Variants in CSNK2A2IP observed in about 807,000 individuals in gnomAD.
The protein encoded by CSNK2A2IP is casein kinase 2 subunit alpha' interacting protein.
chr3:88,406,487 T>G, the CSNK2A2IP span, among the ~76,000 whole-genome samples: 3 of 152,216 alleles, frequency 2.0e-5, no homozygotes, highest in African/African-American at 7.2e-5. Flanking sequence ...GAGATAATTT[T>G]TAGAAATAAA....
the CSNK2A2IP span, among the ~76,000 whole-genome samples, chr3:88,350,372 G>T: frequency 6.6e-6 from 1 of 152,064 alleles, no homozygotes. Context: ...GTGAAGGAAA[G>T]CTTTTTTGTA....
chr3:88,452,409 G>A, the CSNK2A2IP span, among the ~76,000 whole-genome samples: 4 of 152,052 alleles, frequency 2.6e-5, no homozygotes, highest in African/African-American at 7.2e-5. Context: ...TATTCAAAGC[G>A]TGGCCAAGTT....
At chr3:88,370,175 G>A in the CSNK2A2IP span, among the ~76,000 whole-genome samples, 2 of 151,862 alleles carry the variant, frequency 1.3e-5, no homozygotes, top group African/African-American at 4.8e-5. Flanking sequence ...ACAGACAGGA[G>A]ACACTATGAA....
At chr3:88,420,997 T>A in the CSNK2A2IP span, among the ~76,000 whole-genome samples, 4 of 152,140 alleles carry the variant, frequency 2.6e-5, no homozygotes, top group African/African-American at 9.7e-5. Context: ...ACAGAGAATA[T>A]ATGCAGGGGG....
the CSNK2A2IP span, among the ~76,000 whole-genome samples, chr3:88,412,790 T>C: frequency 2.0e-5 from 3 of 152,042 alleles, no homozygotes; most frequent in African/African-American, 7.3e-5. Context: ...TTACTGTTTT[T>C]AATAGTGTAA....
the CSNK2A2IP span, among the ~76,000 whole-genome samples, chr3:88,391,318 T>C: frequency 6.6e-6 from 1 of 152,214 alleles, no homozygotes; most frequent in Non-Finnish European, 1.5e-5. Flanking sequence ...TGTTTACTCA[T>C]TTATTCCTGC....
the CSNK2A2IP span, among the ~76,000 whole-genome samples, chr3:88,384,903 A>G: frequency 7.2e-5 from 11 of 152,164 alleles, no homozygotes; most frequent in African/African-American, 1.9e-4. Context: ...TAGTTTGTCA[A>G]TTTCTGAGAT....
chr3:88,413,767 T>G, the CSNK2A2IP span, among the ~76,000 whole-genome samples: 1 of 152,104 alleles, frequency 6.6e-6, no homozygotes, highest in South Asian at 2.1e-4. Context: ...ATAGGTATTT[T>G]TATGTATATG....
chr3:88,411,566 CAG>C, the CSNK2A2IP span, among the ~76,000 whole-genome samples: 1 of 151,870 alleles, frequency 6.6e-6, no homozygotes, highest in Non-Finnish European at 1.5e-5. Flanking sequence ...AGCAACTAAA[CAG>C]ATACGGATTT....
the CSNK2A2IP span, among the ~76,000 whole-genome samples, chr3:88,405,990 G>C: frequency 1.3e-5 from 2 of 151,762 alleles, no homozygotes; most frequent in African/African-American, 4.8e-5. Flanking sequence ...AAAATGAGTG[G>C]AGCTATATTA....
the CSNK2A2IP span, among the ~76,000 whole-genome samples, chr3:88,444,711 C>T: frequency 0.8 from 122,167 of 152,108 alleles, 49,955 homozygotes; most frequent in Non-Finnish European, 0.88. Context: ...GGGTGTTCTG[C>T]TAAGTGGAAA....
At chr3:88,422,235 C>T in the CSNK2A2IP span, among the ~76,000 whole-genome samples, 1 of 152,092 alleles carries the variant, frequency 6.6e-6, no homozygotes, top group African/African-American at 2.4e-5. Flanking sequence ...TATTCCTTAA[C>T]TTCTAGGATG....
chr3:88,393,982 C>T, the CSNK2A2IP span, among the ~76,000 whole-genome samples: 111 of 152,198 alleles, frequency 7.3e-4, no homozygotes, highest in Middle Eastern at 3.4e-3. Flanking sequence ...TGACAAAGAC[C>T]CAATTCTACA....
the CSNK2A2IP span, among the ~76,000 whole-genome samples, chr3:88,344,620 C>T: frequency 6.6e-6 from 1 of 151,860 alleles, no homozygotes; most frequent in African/African-American, 2.4e-5. Context: ...TGTAGTTAAC[C>T]TATTAATATA....
At chr3:88,368,740 A>G in the CSNK2A2IP span, among the ~76,000 whole-genome samples, 1 of 151,962 alleles carries the variant, frequency 6.6e-6, no homozygotes, top group Non-Finnish European at 1.5e-5. Context: ...TTCTTTCCCA[A>G]TGTGTTTGCA....
chr3:88,424,359 T>C, the CSNK2A2IP span, among the ~76,000 whole-genome samples: 1 of 152,170 alleles, frequency 6.6e-6, no homozygotes, highest in African/African-American at 2.4e-5. Context: ...AGATCTGCTG[T>C]AGAAGGAAGC....
At chr3:88,338,845 G>C in the CSNK2A2IP span, among the ~76,000 whole-genome samples, 2 of 152,074 alleles carry the variant, frequency 1.3e-5, no homozygotes, top group Non-Finnish European at 2.9e-5. Flanking sequence ...CTGCTACTAA[G>C]AGGTGGCTGT....
the CSNK2A2IP span, among the ~76,000 whole-genome samples, chr3:88,434,602 A>G: frequency 6.6e-6 from 1 of 152,146 alleles, no homozygotes; most frequent in Non-Finnish European, 1.5e-5. Context: ...CCCAGAAAAA[A>G]TCCAAACCAA....
the CSNK2A2IP span, among the ~76,000 whole-genome samples, chr3:88,407,559 C>T: frequency 1.3e-5 from 2 of 152,038 alleles, no homozygotes; most frequent in African/African-American, 4.8e-5. Flanking sequence ...GTGTGTCATG[C>T]CTACCCTCCA....
Sources: allele counts gnomAD v4.1 joint callset (sites outside exome capture counted in the v4.1 genomes callset), GRCh38; gene constraint gnomAD v4.1.1; transcripts MANE v1.5; gene names NCBI Gene and HGNC (gene_info 2026-07-23, HGNC 2026-07-21).